The following ZNF608 variants were observed in gnomAD, a reference collection of about 807,000 sequenced individuals.
ZNF608 encodes the protein renal carcinoma antigen NY-REN-36.
In ZNF608, 12 loss-of-function variants were observed where a neutral mutation model predicts 109.0. The ratio of observed to expected loss-of-function variants is 0.11; its 90% CI spans 0.07 to 0.18. The LOEUF (loss-of-function observed/expected upper bound fraction) is 0.18, where lower values mean the gene tolerates loss of function less well. Ranked by LOEUF, ZNF608 falls within the 10% of genes least tolerant of loss-of-function variation. The pLI, the probability that ZNF608 is intolerant of heterozygous loss-of-function variation, is 1.00. For missense variants in ZNF608, 1,707 were observed against 1,879.3 expected, an observed-to-expected ratio of 0.91 and a Z score of 1.70; for synonymous variants, 732 against 717.4, an observed-to-expected ratio of 1.02 and a Z score of -0.33.
chr5:124,738,602 TTGA>T (rs1229646375), intron 2 of ZNF608, among the ~76,000 whole-genome samples: 1 of 152,216 alleles, frequency 6.6e-6, no homozygotes, highest in Admixed American at 6.5e-5. Flanking sequence ...TTAAACTGCA[TTGA>T]AACTCAATTA....
chr5:124,677,479 G>C (rs185597812), intron 3 of ZNF608, among the ~76,000 whole-genome samples: 2 of 152,086 alleles, frequency 1.3e-5, no homozygotes, highest in Non-Finnish European at 1.5e-5. Flanking sequence ...CAACATTCGC[G>C]TACAAGGGTA....
chr5:124,701,137 T>C lies in ZNF608; in HGVS notation c.1039A>G (p.Thr347Ala), dbSNP rs1394861141. ...CATGTATTGACACCCACAGAACGAG[T>C]CCGAACCAAAAGCTGTTCAACCGGT... ...AAPVEQLLVR[T>A]RSVGVNTCEV... Residue 347 changes from threonine (T) to alanine (A), a missense_variant, in exon 3 of 10, where the codon ACT (threonine) becomes GCT (alanine). By Grantham distance (58) the Thr-to-Ala change is moderately conservative. Coordinates refer to ENST00000513986, the MANE Select transcript of ZNF608 (RefSeq NM_020747.3). 1.2e-6 allele frequency: 2 copies of C among 1,613,902 alleles called. No individual in the cohort carries two copies. The highest frequency in any genetic ancestry group is 1.7e-6 in the Non-Finnish European group (2 of 1,179,980).
chr5:124,639,783 T>C (rs1750154547), intron 8 of ZNF608, among the ~76,000 whole-genome samples: 1 of 152,190 alleles, frequency 6.6e-6, no homozygotes, highest in African/African-American at 2.4e-5. Flanking sequence ...GAGAATTCTT[T>C]TAAATTCTAT....
chr5:124,713,552 T>C (rs1406822640), intron 2 of ZNF608, among the ~76,000 whole-genome samples: 3 of 152,250 alleles, frequency 2.0e-5, no homozygotes, highest in African/African-American at 4.8e-5. Context: ...TGCTCAATAA[T>C]TGTCATTGGA....
chr5:124,740,577 C>T (rs564479824), intron 2 of ZNF608, among the ~76,000 whole-genome samples: 1 of 149,938 alleles, frequency 6.7e-6, no homozygotes, highest in Non-Finnish European at 1.5e-5. Flanking sequence ...ACTGCTCACA[C>T]TCACTTAGAA....
At chr5:124,709,009 T>C (rs1436520930) in intron 2 of ZNF608, among the ~76,000 whole-genome samples, 1 of 151,778 alleles carries the variant, frequency 6.6e-6, no homozygotes, top group Admixed American at 6.6e-5. Flanking sequence ...CAGTCTCTAC[T>C]AAAAATACAA....
chr5:124,735,676 C>T (rs892190513), intron 2 of ZNF608, among the ~76,000 whole-genome samples: 1 of 152,202 alleles, frequency 6.6e-6, no homozygotes, highest in African/African-American at 2.4e-5. Context: ...TCCCTTTCTA[C>T]TTCAGTGTCT....
At chr5:124,651,117 A>T (rs1750753449) in intron 3 of ZNF608, among the ~76,000 whole-genome samples, 1 of 152,254 alleles carries the variant, frequency 6.6e-6, no homozygotes, top group Admixed American at 6.5e-5. Context: ...AGCAGGGGAA[A>T]GGCTAGGATG....
intron 2 of ZNF608, among the ~76,000 whole-genome samples, chr5:124,739,845 ATGT>A (rs2149902565): frequency 6.6e-6 from 1 of 152,190 alleles, no homozygotes; most frequent in East Asian, 1.9e-4. Context: ...GGTACTTTCC[ATGT>A]TGTTCGAATC....
chr5:124,718,342 A>G (rs1420266468), intron 2 of ZNF608, among the ~76,000 whole-genome samples: 1 of 152,234 alleles, frequency 6.6e-6, no homozygotes. Flanking sequence ...AAATAAACCT[A>G]ATCTAAGCTG....
chr5:124,683,920 T>C (rs1265700842), intron 3 of ZNF608, among the ~76,000 whole-genome samples: 1 of 152,194 alleles, frequency 6.6e-6, no homozygotes, highest in Non-Finnish European at 1.5e-5. Flanking sequence ...CACTTAGGAA[T>C]CTTATCAGAT....
chr5:124,674,570 T>C (rs534663503), intron 3 of ZNF608, among the ~76,000 whole-genome samples: 1 of 152,242 alleles, frequency 6.6e-6, no homozygotes, highest in Admixed American at 6.5e-5. Context: ...CCATTAGGGC[T>C]GAGCCAATGC....
intron 2 of ZNF608, among the ~76,000 whole-genome samples, chr5:124,721,466 C>T (rs1580694068): frequency 6.6e-6 from 1 of 152,114 alleles, no homozygotes; most frequent in South Asian, 2.1e-4. Flanking sequence ...GAAACATGCG[C>T]TCACACACCA....
chr5:124,702,977 G>T (rs929644058), intron 2 of ZNF608, among the ~76,000 whole-genome samples: 1 of 151,742 alleles, frequency 6.6e-6, no homozygotes, highest in Admixed American at 6.6e-5. Context: ...AATTTAAGGG[G>T]GGAAAAAAAA....
intron 2 of ZNF608, among the ~76,000 whole-genome samples, chr5:124,721,464 C>A (rs977427658): frequency 6.6e-6 from 1 of 152,054 alleles, no homozygotes; most frequent in African/African-American, 2.4e-5. Flanking sequence ...GGGAAACATG[C>A]GCTCACACAC....
rs779073933 is a variant in ZNF608, at chr5:124,647,924, C to T, written c.2460G>A (p.Lys820=). The part of the protein sequence containing the change: ...DKKKKEKRKL[K]DKEGKETGSP... ...TTCCCGTCTCTTTCCCTTCTTTGTCCTTTAGCTTTCGCTTCTCCTTTTTCT... is the reference window on the plus strand; with the variant it reads ...TTCCCGTCTCTTTCCCTTCTTTGTCTTTTAGCTTTCGCTTCTCCTTTTTCT... Residue 820 remains lysine (K), a synonymous_variant, in exon 5 of 10, where the codon AAG becomes AAA. Transcript: ENST00000513986. 5.0e-6 allele frequency: 8 copies of T among 1,614,162 alleles called. No homozygotes were observed. Among genetic ancestry groups the T allele is most frequent in the Non-Finnish European group, 5.9e-6 (7 of 1,180,018 alleles).
At chr5:124,673,324 T>C (rs1318350779) in intron 3 of ZNF608, among the ~76,000 whole-genome samples, 1 of 152,210 alleles carries the variant, frequency 6.6e-6, no homozygotes, top group African/African-American at 2.4e-5. Flanking sequence ...TAGATAGAAA[T>C]ACAGATACGT....
chr5:124,674,276 G>T (rs1241527770), intron 3 of ZNF608, among the ~76,000 whole-genome samples: 1 of 152,140 alleles, frequency 6.6e-6, no homozygotes, highest in Non-Finnish European at 1.5e-5. Flanking sequence ...TGAGTGCAGT[G>T]GTTCAAAAAC....
At position 124,695,629 on chromosome 5, in the gene ZNF608, G is replaced by T. The variant is rs372408156; in HGVS notation, c.1162+5385C>A. Among the ~76,000 whole-genome samples, 118 of 152,106 alleles carry T rather than the reference G, an allele frequency of 7.8e-4. 1 individual carries two copies. In the South Asian group the frequency reaches 0.016, roughly 20 times the overall value. ...AAAATACAAAAAAAAATGAGCTGGT[G>T]TGGTGGTATGCACCTGTGGTCCCAG... is the stretch of plus-strand genomic sequence containing the variant. On this transcript the variant is annotated intron_variant, in intron 3 of 9. Transcript: ENST00000513986.
Sources: allele counts gnomAD v4.1 joint callset (sites outside exome capture counted in the v4.1 genomes callset), GRCh38; gene constraint gnomAD v4.1.1; transcripts MANE v1.5; gene names NCBI Gene and HGNC (gene_info 2026-07-23, HGNC 2026-07-21).